The following ORC4 variants were observed in gnomAD, a reference collection of about 807,000 sequenced individuals.
ORC4 encodes the protein origin recognition complex, subunit 4 homolog.
ORC4 carries 55 observed loss-of-function variants against 63.9 expected under a neutral mutation model. The ratio of observed to expected loss-of-function variants is 0.86; its 90% CI spans 0.69 to 1.08. The LOEUF (loss-of-function observed/expected upper bound fraction) is 1.08. Among genes scored for constraint, ORC4 ranks in the 50% least tolerant of loss-of-function variants. The pLI, the probability that ORC4 is intolerant of heterozygous loss-of-function variation, is 0.00. For synonymous variants in ORC4, 150 were observed against 168.5 expected, an observed-to-expected ratio of 0.89 and a Z score of 0.85; for missense variants, 511 against 504.4, an observed-to-expected ratio of 1.01 and a Z score of -0.13.
intron 2 of ORC4, among the ~76,000 whole-genome samples, chr2:147,974,101 C>T (rs1231175438): frequency 6.6e-6 from 1 of 152,138 alleles, no homozygotes; most frequent in African/African-American, 2.4e-5. Context: ...ACTAATCCTT[C>T]ATGTACCAAA....
chr2:147,972,775 G>C lies in ORC4; in HGVS notation c.189C>G (p.Val63=). The C allele has an allele frequency of 2.5e-6, 4 of 1,612,052 alleles. No individual in the cohort carries two copies. The highest frequency in any genetic ancestry group is 3.4e-6 in the Non-Finnish European group (4 of 1,178,638). Residue 63 remains valine (V), a synonymous_variant, in exon 4 of 14, where the codon GTC becomes GTG. Coordinates refer to ENST00000392857, the MANE Select transcript of ORC4 (RefSeq NM_181741.4). Reference sequence around the variant, plus strand: ...CTGATCCTCGGGGTCCGATAATAAGGACAGAGTTACTCTCTCCATGGAGAG... The same window carrying C: ...CTGATCCTCGGGGTCCGATAATAAGCACAGAGTTACTCTCTCCATGGAGAG... ...RTALHGESNS[V]LIIGPRGSGK... is the part of the protein sequence containing the mutation.
At chr2:147,975,216 C>T (rs982912836) in intron 2 of ORC4, among the ~76,000 whole-genome samples, 7 of 152,064 alleles carry the variant, frequency 4.6e-5, no homozygotes, top group Non-Finnish European at 8.8e-5. Flanking sequence ...AATCTATAAG[C>T]TTCTTAAGGA....
At chr2:147,985,640 G>A (rs1691156967) in intron 1 of ORC4, among the ~76,000 whole-genome samples, 1 of 152,114 alleles carries the variant, frequency 6.6e-6, no homozygotes, top group Non-Finnish European at 1.5e-5. Context: ...CATTTAGTTT[G>A]CACAACTAAC....
intron 9 of ORC4, 40 bp downstream of exon 9, chr2:147,948,011 T>A: frequency 6.6e-7 from 1 of 1,518,274 alleles, no homozygotes; most frequent in African/African-American, 1.4e-5. Flanking sequence ...CTTTAAATCA[T>A]ATAGCAAGGA....
At chr2:147,998,617 C>G (rs1692121275) in intron 1 of ORC4, among the ~76,000 whole-genome samples, 1 of 152,190 alleles carries the variant, frequency 6.6e-6, no homozygotes, top group African/African-American at 2.4e-5. Context: ...GGTCTATGCT[C>G]TTGAACTTCT....
chr2:147,987,549 G>C (rs1691293774), intron 1 of ORC4, among the ~76,000 whole-genome samples: 1 of 151,966 alleles, frequency 6.6e-6, no homozygotes, highest in South Asian at 2.1e-4. Flanking sequence ...CTAGTATTAT[G>C]AGCATCTTAC....
At chr2:147,948,258 T>G (rs1000324593) in intron 8 of ORC4, 34 bp from the exon 9 acceptor site, 1 of 1,490,422 alleles carries the variant, frequency 6.7e-7, no homozygotes, top group Non-Finnish European at 9.3e-7. Flanking sequence ...ATAAGGAAGA[T>G]GAATGTTTTT....
chr2:148,011,690 C>A (rs1692977344), intron 1 of ORC4, among the ~76,000 whole-genome samples: 1 of 152,118 alleles, frequency 6.6e-6, no homozygotes, highest in South Asian at 2.1e-4. Flanking sequence ...TCATTGTTTG[C>A]AGCTCATGTG....
At chr2:148,003,528 G>C in intron 1 of ORC4, among the ~76,000 whole-genome samples, 1 of 152,152 alleles carries the variant, frequency 6.6e-6, no homozygotes, top group East Asian at 1.9e-4. Flanking sequence ...TATCTCAATA[G>C]ATGTAGAAAA....
intron 1 of ORC4, among the ~76,000 whole-genome samples, chr2:148,017,111 T>C (rs550276877): frequency 6.6e-6 from 1 of 152,304 alleles, no homozygotes; most frequent in African/African-American, 2.4e-5. Context: ...AATTAAGACA[T>C]GGTAAACACA....
At position 147,930,492 on chromosome 2, in the gene ORC4, A is replaced by G. The variant is rs1687655357; in HGVS notation, c.*5018T>C. ...AATTATTTATCCATTTATGGGCAAA[A>G]TGATACAAGTAGCATCTTGATTGAA... On this transcript the variant is annotated 3_prime_UTR_variant, in exon 14 of 14. Transcript: ENST00000392857. The G allele has an allele frequency of 6.6e-6, 1 of 152,390 alleles. No individual in the cohort carries two copies. Among genetic ancestry groups the G allele is most frequent in the African/African-American group, 2.4e-5 (1 of 41,384 alleles). 9.4% of individuals were successfully genotyped at this position (152,390 alleles called of 1,614,324 possible).
Position 147,958,365 on chromosome 2 carries a change from T to C in ORC4, c.320A>G (p.Asp107Gly). The change falls in exon 6 of 14, where the codon GAC becomes GGC. Residue 107 changes from aspartate to glycine, a missense_variant. Physicochemically the swap from Asp to Gly is moderately conservative, Grantham distance 94. Transcript: ENST00000392857. The stretch of plus-strand genomic sequence containing the variant: ...TGTGATTTCCTTTAGGGCGATTTTG[T>C]CATTGATCTGCAGCAGTCCTAAAAT... ...VHLNGLLQINDKIALKEITRQ... is the reference protein window; with the variant it reads ...VHLNGLLQINGKIALKEITRQ... The C allele has an allele frequency of 6.2e-7, 1 of 1,611,848 alleles. No individual in the cohort carries two copies. The highest frequency in any genetic ancestry group is 2.2e-5 in the East Asian group (1 of 44,708).
At chr2:147,991,472 C>T (rs1351918203) in intron 1 of ORC4, among the ~76,000 whole-genome samples, 15 of 152,048 alleles carry the variant, frequency 9.9e-5, no homozygotes, top group Admixed American at 9.8e-4. Context: ...AAATAAACAA[C>T]CCCCAGAAGG....
intron 1 of ORC4, among the ~76,000 whole-genome samples, chr2:147,989,830 G>T (rs897078315): frequency 1.3e-5 from 2 of 152,130 alleles, no homozygotes; most frequent in Admixed American, 1.3e-4. Flanking sequence ...AAGAGAAGAT[G>T]AAATTGGCTA....
chr2:147,955,459 T>A, intron 6 of ORC4, 64 bp from the exon 7 acceptor site: 1 of 1,165,202 alleles, frequency 8.6e-7, no homozygotes, highest in Non-Finnish European at 1.3e-6. Context: ...AAGATGGCTG[T>A]CTGATTCTCA....
chr2:148,018,493 A>G (rs2105486241), intron 1 of ORC4, among the ~76,000 whole-genome samples: 1 of 152,370 alleles, frequency 6.6e-6, no homozygotes, highest in Middle Eastern at 3.4e-3. Flanking sequence ...ATTGTTCATA[A>G]CTACTAAAAA....
chr2:147,972,793 A>C lies in ORC4; in HGVS notation c.171T>G (p.His57Gln), dbSNP rs755624299. The C allele has an allele frequency of 6.2e-7, 1 of 1,612,576 alleles. No homozygotes were observed. Among genetic ancestry groups the C allele is most frequent in the Non-Finnish European group, 8.5e-7 (1 of 1,178,836 alleles). The change falls in exon 4 of 14, where the codon CAT becomes CAG. Residue 57 changes from histidine to glutamine, a missense_variant. Coordinates refer to ENST00000392857, the MANE Select transcript of ORC4 (RefSeq NM_181741.4). ...LSELLKRTAL[H>Q]GESNSVLIIG... ...TAATAAGGACAGAGTTACTCTCTCC[A>C]TGGAGAGCAGTTCTTTTCAGCAGCT...
rs1216894955 is a variant in ORC4 at position 147,948,018 on chromosome 2, A to G, written c.762+33T>C. On this transcript the variant is annotated intron_variant, in intron 9 of 13. Coordinates refer to ENST00000392857, the MANE Select transcript of ORC4 (RefSeq NM_181741.4). Reference sequence around the variant, plus strand: ...TTTAATTGCTTTAAATCATATAGCAAGGAACATTTAGCTTTATTGCCTTTT... The same window carrying G: ...TTTAATTGCTTTAAATCATATAGCAGGGAACATTTAGCTTTATTGCCTTTT... 8 of 1,553,658 alleles carry G rather than the reference A, an allele frequency of 5.1e-6. No homozygotes were observed. The Admixed American group carries it at 6.7e-5, about 13-fold the overall frequency.
chr2:147,943,620 C>G (rs575177898), intron 9 of ORC4, 98 bp from the exon 10 acceptor site: 1 of 695,672 alleles, frequency 1.4e-6, no homozygotes, highest in Non-Finnish European at 2.5e-6. Context: ...ACCTTAGTAA[C>G]TCTATCTAAT....
Sources: allele counts gnomAD v4.1 joint callset (sites outside exome capture counted in the v4.1 genomes callset), GRCh38; gene constraint gnomAD v4.1.1; transcripts MANE v1.5; gene names NCBI Gene and HGNC (gene_info 2026-07-23, HGNC 2026-07-21).